PABPC4L: variants seen among roughly 807,000 people sequenced by gnomAD.
PABPC4L encodes poly(A) binding protein cytoplasmic 4 like, also known as polyadenylate-binding protein 4-like.
For missense variants in PABPC4L, 452 were observed against 451.4 expected, an observed-to-expected ratio of 1.00 and a Z score of -0.01; for synonymous variants, 169 against 164.1, an observed-to-expected ratio of 1.03 and a Z score of -0.23.
At chr4:134,078,107 T>A in the PABPC4L span, among the ~76,000 whole-genome samples, 1 of 152,144 alleles carries the variant, frequency 6.6e-6, no homozygotes, top group Non-Finnish European at 1.5e-5. Flanking sequence ...AAGTGATAAC[T>A]AACCTAAAAT....
At chr4:134,157,475 ATG>A in the PABPC4L span, among the ~76,000 whole-genome samples, 1 of 151,828 alleles carries the variant, frequency 6.6e-6, no homozygotes, top group East Asian at 1.9e-4. Context: ...TTAAAGAAGA[ATG>A]TGTTGATTTT....
chr4:134,200,651 C>G lies in PABPC4L; in HGVS notation c.369G>C (p.Lys123Asn). Residue 123 changes from lysine to asparagine, a missense_variant, in exon 2 of 2, where the codon AAG becomes AAC. Physicochemically the swap from Lys to Asn is moderately conservative, Grantham distance 94. Coordinates refer to ENST00000421491, the MANE Select transcript of PABPC4L (RefSeq NM_001114734.2). ...CACTCATCACCTTGGAGGAAAGGATCTTTCCAAAAGCTGAAAAATGTTCAT... is the reference window on the plus strand; with the variant it reads ...CACTCATCACCTTGGAGGAAAGGATGTTTCCAAAAGCTGAAAAATGTTCAT... ...TLYEHFSAFG[K>N]ILSSKVMSDD... 1 of 1,551,684 alleles carries G rather than the reference C, an allele frequency of 6.4e-7. No homozygotes were observed. The highest frequency in any genetic ancestry group is 1.4e-5 in the African/African-American group (1 of 73,178).
In PABPC4L at chr4:134,201,177, T is replaced by C; in HGVS notation, c.-158A>G. ...GGAGTTCAGACACGACTCCCCCAGC[T>C]CAGGCAACACCCTCATCCAAAAGTC... On this transcript the variant is annotated 5_prime_UTR_variant, in exon 2 of 2. Transcript: ENST00000421491. The C allele has an allele frequency of 6.5e-7, 1 of 1,548,152 alleles. No homozygotes were observed.
At chr4:134,191,012 T>G in the PABPC4L span, among the ~76,000 whole-genome samples, 1 of 152,176 alleles carries the variant, frequency 6.6e-6, no homozygotes, top group Admixed American at 6.6e-5. Flanking sequence ...TTTCTGAATC[T>G]GTAAGGATTT....
the PABPC4L span, among the ~76,000 whole-genome samples, chr4:134,001,512 T>A: frequency 6.6e-6 from 1 of 152,228 alleles, no homozygotes; most frequent in East Asian, 1.9e-4. Context: ...ACTTTCTATA[T>A]GAACAGAAAT....
the PABPC4L span, among the ~76,000 whole-genome samples, chr4:134,037,779 T>C: frequency 3.3e-5 from 5 of 152,126 alleles, no homozygotes; most frequent in African/African-American, 1.2e-4. Context: ...AAGAAACAAT[T>C]TGACTTCCTC....
At chr4:134,193,140 G>A (rs1027218736), downstream of PABPC4L, among the ~76,000 whole-genome samples, 2 of 151,884 alleles carry the variant, frequency 1.3e-5, no homozygotes, top group Non-Finnish European at 2.9e-5. Flanking sequence ...TATGCACTTT[G>A]TAAGCCAATA....
At chr4:133,972,980 G>A in the PABPC4L span, among the ~76,000 whole-genome samples, 1 of 152,138 alleles carries the variant, frequency 6.6e-6, no homozygotes, top group African/African-American at 2.4e-5. Flanking sequence ...CATGCTGAGT[G>A]CCATTAGCAT....
At chr4:134,099,843 A>T in the PABPC4L span, among the ~76,000 whole-genome samples, 2 of 151,714 alleles carry the variant, frequency 1.3e-5, no homozygotes, top group Non-Finnish European at 3.0e-5. Flanking sequence ...GCTGCCATTC[A>T]AATGAATAGA....
the PABPC4L span, among the ~76,000 whole-genome samples, chr4:134,132,648 C>G: frequency 2.0e-5 from 3 of 151,380 alleles, no homozygotes; most frequent in East Asian, 5.8e-4. Flanking sequence ...TGGAAAAGTG[C>G]GTAAATTCTT....
the PABPC4L span, among the ~76,000 whole-genome samples, chr4:134,132,889 T>C: frequency 6.8e-6 from 1 of 146,772 alleles, no homozygotes; most frequent in Non-Finnish European, 1.5e-5. Flanking sequence ...ATAAATGTAT[T>C]AAAATATTAT....
the PABPC4L span, among the ~76,000 whole-genome samples, chr4:134,013,642 G>A: frequency 2.0e-5 from 3 of 152,048 alleles, no homozygotes; most frequent in Non-Finnish European, 2.9e-5. Flanking sequence ...ATAGCCAAAC[G>A]GTCTGAGGTG....
At chr4:134,073,292 C>T in the PABPC4L span, among the ~76,000 whole-genome samples, 13 of 152,192 alleles carry the variant, frequency 8.5e-5, no homozygotes, top group Non-Finnish European at 5.9e-5. Flanking sequence ...GGGCTATAGG[C>T]CCCATGCAAG....
chr4:134,144,508 C>T, the PABPC4L span, among the ~76,000 whole-genome samples: 1 of 150,124 alleles, frequency 6.7e-6, no homozygotes, highest in African/African-American at 2.4e-5. Context: ...AATTGTCATC[C>T]GACTGAAGCA....
At chr4:134,179,023 A>T in the PABPC4L span, among the ~76,000 whole-genome samples, 1 of 152,138 alleles carries the variant, frequency 6.6e-6, no homozygotes, top group Non-Finnish European at 1.5e-5. Context: ...AGAGGCCAAC[A>T]TTCAAATATT....
the PABPC4L span, among the ~76,000 whole-genome samples, chr4:134,123,215 T>C: frequency 6.6e-6 from 1 of 152,012 alleles, no homozygotes; most frequent in African/African-American, 2.4e-5. Flanking sequence ...ATGCCTGAAT[T>C]AAGGTTATTC....
the PABPC4L span, among the ~76,000 whole-genome samples, chr4:134,101,502 A>G: frequency 6.6e-6 from 1 of 151,366 alleles, no homozygotes; most frequent in South Asian, 2.1e-4. Context: ...TGAAGTTGTC[A>G]TGGGTATTTT....
the PABPC4L span, among the ~76,000 whole-genome samples, chr4:134,182,565 C>T: frequency 3.8e-4 from 58 of 151,918 alleles, no homozygotes; most frequent in African/African-American, 1.4e-3. Flanking sequence ...ATCAACACAC[C>T]AAAAGCAATT....
At chr4:134,069,960 G>T in the PABPC4L span, among the ~76,000 whole-genome samples, 2 of 145,108 alleles carry the variant, frequency 1.4e-5, no homozygotes, top group East Asian at 2.1e-4. Flanking sequence ...ATGTTCCTTT[G>T]GTCCTTGAAG....
Sources: allele counts gnomAD v4.1 joint callset (sites outside exome capture counted in the v4.1 genomes callset), GRCh38; gene constraint gnomAD v4.1.1; transcripts MANE v1.5; gene names NCBI Gene and HGNC (gene_info 2026-07-23, HGNC 2026-07-21).